The following PIK3C3 variants were observed in gnomAD, a reference collection of about 807,000 sequenced individuals.
PIK3C3 encodes PI3-kinase type 3.
A neutral mutation model predicts 126.1 loss-of-function variants in PIK3C3; 95 were observed. The observed-to-expected ratio is 0.75, with a 90% confidence interval of 0.64 to 0.89. The LOEUF (loss-of-function observed/expected upper bound fraction) is 0.89, where lower values mean the gene tolerates loss of function less well. PIK3C3 is among the 40% of genes least tolerant of loss of function. The probability of loss-of-function intolerance (pLI) is 0.00; values close to 1 mark genes in which losing one functional copy is unlikely to be tolerated. For missense variants in PIK3C3, 829 were observed against 1,063.2 expected, an observed-to-expected ratio of 0.78 and a Z score of 3.06; for synonymous variants, 374 against 360.0, an observed-to-expected ratio of 1.04 and a Z score of -0.44.
In PIK3C3 at chr18:42,029,359, T is replaced by C; in HGVS notation, c.1625T>C (p.Leu542Pro). 6.2e-7 allele frequency: 1 copy of C among 1,613,884 alleles called. No homozygotes were observed. Among genetic ancestry groups the C allele is most frequent in the Non-Finnish European group, 8.5e-7 (1 of 1,179,860 alleles). Residue 542 changes from leucine (L) to proline (P), a missense_variant, in exon 15 of 25, where the codon CTG becomes CCG. This residue lies in a region of PIK3C3 where 256 missense variants were observed against 291.0 expected (regional missense o/e 0.88). Coordinates refer to ENST00000262039, the MANE Select transcript of PIK3C3 (RefSeq NM_002647.4). The part of the protein sequence containing the change: ...DKSVRVMRSL[L>P]AAQQTFVDRL... The stretch of plus-strand genomic sequence containing the variant: ...TCTGTCAGAGTTATGCGTTCTTTGC[T>C]GGCTGCACAACAGACATTTGTAGAT...
At chr18:42,016,140 A>G (rs144065159) in intron 12 of PIK3C3, among the ~76,000 whole-genome samples, 1 of 152,110 alleles carries the variant, frequency 6.6e-6, no homozygotes, top group Non-Finnish European at 1.5e-5. Flanking sequence ...CAAGTAACAC[A>G]TGTTTTATTA....
At chr18:42,016,763 C>A (rs964398709) in intron 12 of PIK3C3, among the ~76,000 whole-genome samples, 1 of 151,986 alleles carries the variant, frequency 6.6e-6, no homozygotes, top group African/African-American at 2.4e-5. Flanking sequence ...CAAAAGAGAA[C>A]CTGGCAGAAG....
chr18:42,014,911 C>T (rs1982999148), intron 11 of PIK3C3, among the ~76,000 whole-genome samples: 1 of 152,104 alleles, frequency 6.6e-6, no homozygotes, highest in African/African-American at 2.4e-5. Context: ...TATTTTATCT[C>T]ACTCTATATT....
chr18:41,987,982 A>G (rs1052312839), intron 5 of PIK3C3, 84 bp downstream of exon 5: 51 of 783,544 alleles, frequency 6.5e-5, no homozygotes, highest in African/African-American at 4.8e-4. Flanking sequence ...ATTATTAGGT[A>G]TCTTACAAAT....
intron 11 of PIK3C3, 40 bp downstream of exon 11, chr18:42,013,636 A>C: frequency 7.0e-7 from 1 of 1,428,874 alleles, no homozygotes; most frequent in Non-Finnish European, 9.6e-7. Context: ...TAGTTTGTTA[A>C]TTTTTCCCTT....
chr18:41,993,043 T>C (rs983020110), intron 6 of PIK3C3, among the ~76,000 whole-genome samples: 1 of 152,154 alleles, frequency 6.6e-6, no homozygotes, highest in African/African-American at 2.4e-5. Flanking sequence ...TCTAAAACTT[T>C]AGTAAGAATT....
At chr18:42,072,371 G>A (rs1480913479) in intron 24 of PIK3C3, among the ~76,000 whole-genome samples, 2 of 151,996 alleles carry the variant, frequency 1.3e-5, no homozygotes, top group African/African-American at 4.8e-5. Context: ...TGCTACAAAA[G>A]CTTGTTTTCT....
chr18:41,991,614 TTAAAA>T (rs1981782708), intron 6 of PIK3C3, among the ~76,000 whole-genome samples: 3 of 152,212 alleles, frequency 2.0e-5, no homozygotes. Context: ...CAAGTGATTT[TTAAAA>T]TATGTATACT....
chr18:42,075,362 T>G (rs1985935084), intron 24 of PIK3C3, among the ~76,000 whole-genome samples: 1 of 152,128 alleles, frequency 6.6e-6, no homozygotes, highest in Non-Finnish European at 1.5e-5. Flanking sequence ...ACCAGTGGCT[T>G]AAGTAAATAA....
intron 5 of PIK3C3, among the ~76,000 whole-genome samples, chr18:41,989,324 C>T (rs978886816): frequency 6.6e-6 from 1 of 152,066 alleles, no homozygotes; most frequent in Non-Finnish European, 1.5e-5. Flanking sequence ...TCCCACCTCC[C>T]AACGTGCTAG....
intron 12 of PIK3C3, 115 bp from the exon 13 acceptor site, chr18:42,020,523 C>G: frequency 1.6e-6 from 1 of 621,804 alleles, no homozygotes; most frequent in Non-Finnish European, 2.8e-6. Context: ...GGCAGAAAAT[C>G]TGATCTATTA....
intron 17 of PIK3C3, 109 bp downstream of exon 17, chr18:42,037,929 T>C: frequency 9.6e-7 from 1 of 1,036,738 alleles, no homozygotes. Context: ...TCAGGTACGA[T>C]CCTAGAAAGC....
In PIK3C3 at chr18:42,030,671, A is replaced by G. The variant is rs542643413; in HGVS notation, c.1707+1230A>G. ...AGTTGACATTTTCTTTGTTGTTGAG[A>G]AGAATCACAAACCTTGGTCAAATAA... On this transcript the variant is annotated intron_variant, in intron 15 of 24. Coordinates refer to ENST00000262039, the MANE Select transcript of PIK3C3 (RefSeq NM_002647.4). 2.0e-4 allele frequency among the ~76,000 whole-genome samples: 31 copies of G among 152,276 alleles called. No individual in the cohort carries two copies. The East Asian group carries it at 5.4e-3, about 27-fold the overall frequency.
chr18:42,003,329 A>G (rs1290051370), intron 9 of PIK3C3, among the ~76,000 whole-genome samples: 1 of 152,224 alleles, frequency 6.6e-6, no homozygotes, highest in Non-Finnish European at 1.5e-5. Flanking sequence ...ACAAATAGCA[A>G]CAGAGGAAGA....
Position 42,004,493 on chromosome 18 carries a change from A to T in PIK3C3, c.1122A>T (p.Pro374=). 1 of 1,609,418 alleles carries T rather than the reference A, an allele frequency of 6.2e-7. No individual in the cohort carries two copies. Among genetic ancestry groups the T allele is most frequent in the Non-Finnish European group, 8.5e-7 (1 of 1,178,874 alleles). The stretch of plus-strand genomic sequence containing the variant: ...TGTTATCCTCTCATTACACCAACCC[A>T]ACTGTGAGGCGTTATGCTGTTGCCC... ...LELLSSHYTN[P]TVRRYAVARL... The change falls in exon 10 of 25, where the codon CCA becomes CCT. Residue 374 remains proline (P), a synonymous_variant. Transcript: ENST00000262039.
At chr18:41,966,730 G>C (rs1980389845) in intron 3 of PIK3C3, among the ~76,000 whole-genome samples, 3 of 152,204 alleles carry the variant, frequency 2.0e-5, no homozygotes, top group East Asian at 3.9e-4. Flanking sequence ...CTGCAAAAAA[G>C]TCCTTTAATT....
chr18:41,959,892 A>T (rs1013396406), intron 2 of PIK3C3, among the ~76,000 whole-genome samples: 2 of 152,222 alleles, frequency 1.3e-5, no homozygotes, highest in Non-Finnish European at 2.9e-5. Flanking sequence ...TTGGTAGTTC[A>T]TCAAAACAAA....
intron 22 of PIK3C3, among the ~76,000 whole-genome samples, chr18:42,061,222 G>A (rs1985299727): frequency 6.6e-6 from 1 of 152,082 alleles, no homozygotes; most frequent in Non-Finnish European, 1.5e-5. Context: ...ATCTTTGCTA[G>A]ATTTTGCACG....
intron 20 of PIK3C3, among the ~76,000 whole-genome samples, chr18:42,047,870 C>G (rs1056316071): frequency 1.3e-5 from 2 of 152,144 alleles, no homozygotes; most frequent in Admixed American, 6.6e-5. Context: ...TAGCAATGCT[C>G]TAGATCAAGG....
Sources: allele counts gnomAD v4.1 joint callset (sites outside exome capture counted in the v4.1 genomes callset), GRCh38; gene constraint gnomAD v4.1.1; regional missense constraint gnomAD v4.1.1; transcripts MANE v1.5; gene names NCBI Gene and HGNC (gene_info 2026-07-23, HGNC 2026-07-21).